The following ALOXE3 variants were observed in gnomAD, a reference collection of about 807,000 sequenced individuals.
ALOXE3 encodes hydroperoxide isomerase ALOXE3.
Under a neutral mutation model 87.5 loss-of-function variants are expected in ALOXE3, and 78 were observed. The observed-to-expected ratio is 0.89, with a 90% CI of 0.74 to 1.08. The LOEUF is 1.08. Among genes scored for constraint, ALOXE3 ranks in the 50% least tolerant of loss-of-function variants. The pLI is 0.00. For synonymous variants in ALOXE3, 363 were observed against 370.8 expected (o/e 0.98, Z 0.24); for missense variants, 946 against 912.4 (o/e 1.04, Z -0.47).
In ALOXE3 at chr17:8,108,445, A is replaced by G. The variant is rs369702016; in HGVS notation, c.1684+23T>C. On this transcript the variant is annotated intron_variant, in intron 13 of 15. Coordinates refer to ENST00000448843, the MANE Select transcript of ALOXE3 (RefSeq NM_021628.3). ...GTGCTAGCTCATCAGAGCTACACGGAAAGTGGGATAGAGAGGGGATACCTG... is the reference window on the plus strand; with the variant it reads ...GTGCTAGCTCATCAGAGCTACACGGGAAGTGGGATAGAGAGGGGATACCTG... 3 of 1,611,070 alleles carry G rather than the reference A, an allele frequency of 1.9e-6. 1 individual carries two copies. In the South Asian group the frequency reaches 3.3e-5, roughly 18 times the overall value.
chr17:8,118,704 C>G, upstream of ALOXE3: 1 of 1,537,346 alleles, frequency 6.5e-7, no homozygotes, highest in Non-Finnish European at 8.7e-7. Flanking sequence ...ACCTCATTCT[C>G]TGCTCTGGAG....
At chr17:8,105,799 C>A (rs1979257477) in intron 13 of ALOXE3, among the ~76,000 whole-genome samples, 1 of 151,334 alleles carries the variant, frequency 6.6e-6, no homozygotes, top group Admixed American at 6.6e-5. Context: ...CCTGTAGTCC[C>A]AGCTACCAGG....
chr17:8,118,262 C>T lies in ALOXE3; in HGVS notation c.-272G>A. 1 of 1,551,734 alleles carries T rather than the reference C, an allele frequency of 6.4e-7. No homozygotes were observed. The highest frequency in any genetic ancestry group is 8.7e-7 in the Non-Finnish European group (1 of 1,147,014). On this transcript the variant is annotated 5_prime_UTR_variant, in exon 2 of 16. Transcript: ENST00000448843. The stretch of plus-strand genomic sequence containing the variant: ...CTTGCCTCTGACACAGCCGGTCCCT[C>T]TGGCTGGCTCACCCAGATGGATATC...
intron 15 of ALOXE3, among the ~76,000 whole-genome samples, chr17:8,103,040 A>G (rs1240138167): frequency 6.6e-6 from 1 of 152,244 alleles, no homozygotes; most frequent in African/African-American, 2.4e-5. Flanking sequence ...ACACATAGGA[A>G]GTATCCAACA....
rs114167629 is a variant in ALOXE3 at position 8,115,043 on chromosome 17, G to T, written c.449C>A (p.Ala150Asp). The T allele has an allele frequency of 2.9e-4, 465 of 1,614,198 alleles. 2 individuals are homozygous for T. In the African/African-American group the frequency reaches 5.1e-3, roughly 18 times the overall value. The change falls in exon 5 of 16, where the codon GCC becomes GAC. Residue 150 changes from alanine to aspartate, a missense_variant. Ala to Asp is a moderately radical substitution (Grantham distance 126). Transcript: ENST00000448843. ...GTCTACCATGCAGGGGAAGCCAGGG[G>T]CATAGATCTTCCAGCTTCCGAGGGA... ...RQECYRWKIY[A>D]PGFPCMVDVN... is the part of the protein sequence containing the mutation.
intron 11 of ALOXE3, 99 bp downstream of exon 11, chr17:8,109,816 TC>T: frequency 8.1e-7 from 1 of 1,239,474 alleles, no homozygotes. Flanking sequence ...ACCCCAGGTG[TC>T]CTCACAAGGG....
Position 8,114,631 on chromosome 17 carries a change from A to T in ALOXE3, c.555-22T>A, listed in dbSNP as rs188348464. ...ACTGCTGGGGGTCGGGGGAGTAGAA[A>T]GACAGAAACCAGTCAGTGGGCCCTG... On this transcript the variant is annotated intron_variant, in intron 5 of 15. Coordinates refer to ENST00000448843, the MANE Select transcript of ALOXE3 (RefSeq NM_021628.3). The T allele has an allele frequency of 6.8e-6, 11 of 1,613,776 alleles. No individual in the cohort carries two copies. The African/African-American group carries it at 1.2e-4, about 18-fold the overall frequency.
At chr17:8,113,911 G>A (rs1980330863) in intron 6 of ALOXE3, among the ~76,000 whole-genome samples, 1 of 151,788 alleles carries the variant, frequency 6.6e-6, no homozygotes, top group African/African-American at 2.4e-5. Context: ...TGTAGTCCCA[G>A]CTACTCAGGA....
chr17:8,096,284 G>T lies in ALOXE3; in HGVS notation c.*343C>A. The T allele has an allele frequency of 3.9e-6, 1 of 255,394 alleles. No homozygotes were observed. The highest frequency in any genetic ancestry group is 7.6e-6 in the Non-Finnish European group (1 of 132,050). 15.8% of individuals were successfully genotyped at this position (255,394 alleles called of 1,614,324 possible). Reference sequence around the variant, plus strand: ...GAGTTTGGGGATTGGGGAGGATGAGGGAGAAAAGCTCAGAAACCCAAGCTG... The same window carrying T: ...GAGTTTGGGGATTGGGGAGGATGAGTGAGAAAAGCTCAGAAACCCAAGCTG... On this transcript the variant is annotated 3_prime_UTR_variant, in exon 16 of 16. Coordinates refer to ENST00000448843, the MANE Select transcript of ALOXE3 (RefSeq NM_021628.3).
intron 13 of ALOXE3, among the ~76,000 whole-genome samples, chr17:8,107,964 AGGAGAGAGAGAG>A (rs1979591395): frequency 9.1e-4 from 2 of 2,190 alleles, no homozygotes; most frequent in Admixed American, 5.4e-3. Context: ...AAAGAAAGGA[AGGAGAGAGAGAG>A]AGAGAGAAAG....
At chr17:8,112,429 G>A (rs544124324) in intron 6 of ALOXE3, among the ~76,000 whole-genome samples, 1 of 152,264 alleles carries the variant, frequency 6.6e-6, no homozygotes, top group African/African-American at 2.4e-5. Context: ...CATAAAGTTG[G>A]CACACACGGC....
intron 15 of ALOXE3, among the ~76,000 whole-genome samples, chr17:8,100,431 G>C (rs971350324): frequency 6.6e-6 from 1 of 152,198 alleles, no homozygotes; most frequent in Non-Finnish European, 1.5e-5. Context: ...TTGCATGCAA[G>C]TGTTTCACCC....
At chr17:8,115,159 A>C in intron 4 of ALOXE3, 102 bp from the exon 5 acceptor site, 1 of 1,470,046 alleles carries the variant, frequency 6.8e-7, no homozygotes, top group Non-Finnish European at 9.4e-7. Context: ...AAAACCACCT[A>C]CTTTCTGGAT....
chr17:8,103,551 T>A (rs1357218798), intron 14 of ALOXE3, 58 bp from the exon 15 acceptor site: 2 of 1,567,380 alleles, frequency 1.3e-6, no homozygotes, highest in East Asian at 4.5e-5. Flanking sequence ...ATCACCTCCC[T>A]CTTCACCATC....
At chr17:8,101,021 CT>C (rs1189268815) in intron 15 of ALOXE3, among the ~76,000 whole-genome samples, 2 of 111,462 alleles carry the variant, frequency 1.8e-5, no homozygotes, top group African/African-American at 6.4e-5. Flanking sequence ...TGCCAAGCTG[CT>C]TTTTTTTTGT....
At position 8,104,211 on chromosome 17, in the gene ALOXE3, G is replaced by A. The variant is rs766948485; in HGVS notation, c.1689C>T (p.Phe563=). Residue 563 remains phenylalanine (F), a synonymous_variant, in exon 14 of 16, where the codon TTC becomes TTT. Transcript: ENST00000448843. The stretch of plus-strand genomic sequence containing the variant: ...CTCCTGGGGTGCACAGCCGGCTTGG[G>A]AAACCTGGGTGTGGGGAGGAAGGGT... ...QAFLGRESSG[F]PSRLCTPGEM... 1 of 1,613,620 alleles carries A rather than the reference G, an allele frequency of 6.2e-7. No individual in the cohort carries two copies. The highest frequency in any genetic ancestry group is 8.5e-7 in the Non-Finnish European group (1 of 1,179,720).
intron 13 of ALOXE3, among the ~76,000 whole-genome samples, chr17:8,104,996 AG>A (rs1979187344): frequency 7.2e-5 from 11 of 152,072 alleles, no homozygotes; most frequent in Non-Finnish European, 1.5e-4. Context: ...CTCCAGACTC[AG>A]CCGTGGGCAT....
Position 8,101,803 on chromosome 17 carries a change from T to C in ALOXE3, c.1956+1520A>G, listed in dbSNP as rs113363150. Among the ~76,000 whole-genome samples, 236 of 152,044 alleles carry C rather than the reference T, an allele frequency of 1.6e-3. 1 individual carries two copies. The highest frequency in any genetic ancestry group is 1.9e-3 in the Non-Finnish European group (131 of 67,982). ...CACAGGCACACACTAATACGCCCGA[T>C]TAATTTTTGTGTTTTGGGTAGAGAC... On this transcript the variant is annotated intron_variant, in intron 15 of 15. Transcript: ENST00000448843.
In ALOXE3 at chr17:8,118,498, GT is replaced by G; in HGVS notation, c.-327del. 6.5e-7 allele frequency: 1 copy of G among 1,542,372 alleles called. No individual in the cohort carries two copies. Among genetic ancestry groups the G allele is most frequent in the Non-Finnish European group, 8.7e-7 (1 of 1,144,938 alleles). ...GAGCACAGGGCACCTGCATTCCTACGTGTGAATCATCCGTGTGAATCACTAA... is the reference window on the plus strand; with the variant it reads ...GAGCACAGGGCACCTGCATTCCTACGGTGAATCATCCGTGTGAATCACTAA... On this transcript the variant is annotated 5_prime_UTR_variant, in exon 1 of 16. It removes the in-frame stop codon of an upstream open reading frame in the 5' UTR. Coordinates refer to ENST00000448843, the MANE Select transcript of ALOXE3 (RefSeq NM_021628.3).
Sources: gnomAD v4.1 joint callset for allele counts (sites outside exome capture counted in the v4.1 genomes callset) on GRCh38, gnomAD v4.1.1 for gene constraint, MANE v1.5 for transcripts, NCBI Gene and HGNC (gene_info 2026-07-23, HGNC 2026-07-21) for gene names.